The following HECW1 variants were observed in gnomAD, a reference collection of about 807,000 sequenced individuals.
HECW1 encodes the protein HECT, C2 and WW domain containing E3 ubiquitin protein ligase 1, also known as E3 ubiquitin-protein ligase HECW1.
A neutral mutation model predicts 182.3 loss-of-function variants in HECW1; 61 were observed. That is an observed-to-expected ratio of 0.33 (90% CI 0.27 to 0.41). The LOEUF (loss-of-function observed/expected upper bound fraction) is 0.41. Ranked by LOEUF, HECW1 falls within the 10% of genes least tolerant of loss-of-function variation. The probability of loss-of-function intolerance (pLI) is 1.00; values close to 1 mark genes in which losing one functional copy is unlikely to be tolerated. For synonymous variants in HECW1, 859 were observed against 832.6 expected (o/e 1.03, Z -0.55); for missense variants, 1,739 against 2,108.9 (o/e 0.82, Z 3.44).
chr7:43,379,934 G>A (rs1474965432), intron 6 of HECW1, among the ~76,000 whole-genome samples: 1 of 152,212 alleles, frequency 6.6e-6, no homozygotes, highest in East Asian at 1.9e-4. Context: ...CTTCAGAGCT[G>A]TTCCTTATCA....
chr7:43,524,064 CA>C (rs1366570120), intron 24 of HECW1, among the ~76,000 whole-genome samples: 1 of 152,120 alleles, frequency 6.6e-6, no homozygotes, highest in East Asian at 1.9e-4. Flanking sequence ...TCGGCAACTG[CA>C]GAATTTATTT....
chr7:43,477,472 T>A (rs2078262057), intron 16 of HECW1, among the ~76,000 whole-genome samples: 1 of 152,198 alleles, frequency 6.6e-6, no homozygotes. Flanking sequence ...AAAAAGCATG[T>A]TGATGCATTT....
chr7:43,232,482 CA>C (rs2152710105), intron 2 of HECW1, among the ~76,000 whole-genome samples: 1 of 152,336 alleles, frequency 6.6e-6, no homozygotes, highest in East Asian at 1.9e-4. Flanking sequence ...GTGGCTTCCA[CA>C]ACAAAAGCTT....
chr7:43,366,511 T>C (rs766713678), intron 6 of HECW1, among the ~76,000 whole-genome samples: 4 of 152,246 alleles, frequency 2.6e-5, no homozygotes, highest in Non-Finnish European at 5.9e-5. Flanking sequence ...TCAACCAAGT[T>C]AGTAGCATTA....
chr7:43,388,327 C>T (rs2074883505), intron 6 of HECW1, among the ~76,000 whole-genome samples: 1 of 152,186 alleles, frequency 6.6e-6, no homozygotes, highest in African/African-American at 2.4e-5. Context: ...ATTTGTAGGT[C>T]AAATGTTCAG....
intron 16 of HECW1, among the ~76,000 whole-genome samples, chr7:43,471,685 C>T (rs906242693): frequency 3.3e-5 from 5 of 152,176 alleles, no homozygotes; most frequent in Non-Finnish European, 2.9e-5. Context: ...CCTCAAACCT[C>T]ATTCCAAGTC....
rs1270757662 is a variant in HECW1, at chr7:43,466,473, C to T, written c.2818C>T (p.Pro940Ser). The T allele has an allele frequency of 3.1e-6, 5 of 1,613,804 alleles. No individual in the cohort carries two copies. Among genetic ancestry groups the T allele is most frequent in the Non-Finnish European group, 4.2e-6 (5 of 1,179,758 alleles). Residue 940 changes from proline to serine, a missense_variant, in exon 15 of 30, where the codon CCA becomes TCA. Pro to Ser is a moderately conservative substitution (Grantham distance 74, BLOSUM62 -1). This residue lies in a region of HECW1 where 971 missense variants were observed against 1,029.1 expected (regional missense o/e 0.94). Transcript: ENST00000395891. Reference protein sequence around the residue: ...LDLRREGSLSPVNSQKITLLL... With the variant: ...LDLRREGSLSSVNSQKITLLL... ...TCTAAGGAGAGAAGGGTCACTTTCT[C>T]CAGTGAACTCACAAAAAATCACCTT...
intron 3 of HECW1, among the ~76,000 whole-genome samples, chr7:43,257,092 C>T (rs1249602820): frequency 6.6e-6 from 1 of 152,166 alleles, no homozygotes; most frequent in Non-Finnish European, 1.5e-5. Context: ...TTCTGTGAGC[C>T]TTAACTGATT....
Position 43,320,626 on chromosome 7 carries a change from G to A in HECW1, c.353-9G>A, listed in dbSNP as rs1012556622. The A allele has an allele frequency of 6.3e-7, 1 of 1,586,836 alleles. No individual in the cohort carries two copies. The highest frequency in any genetic ancestry group is 8.7e-7 in the Non-Finnish European group (1 of 1,155,144). ...TTCTCTGCTCTGCTTTCTTCCTCTG[G>A]GAATATAGATGAGGTCTTGTCCGAA... On this transcript the variant is annotated splice_polypyrimidine_tract_variant and intron_variant, in intron 4 of 29. Coordinates refer to ENST00000395891, the MANE Select transcript of HECW1 (RefSeq NM_015052.5).
intron 19 of HECW1, among the ~76,000 whole-genome samples, chr7:43,493,572 G>A (rs1042238310): frequency 2.6e-5 from 4 of 152,136 alleles, no homozygotes; most frequent in Admixed American, 6.6e-5. Context: ...AAATAAAAAA[G>A]CAAACAAAAA....
chr7:43,362,741 A>C (rs60586879), intron 6 of HECW1, among the ~76,000 whole-genome samples: 30,152 of 152,224 alleles, frequency 0.2, 3,663 homozygotes, highest in African/African-American at 0.33. Context: ...GGCACTGAGC[A>C]CACAACAGGC....
intron 6 of HECW1, among the ~76,000 whole-genome samples, chr7:43,393,623 G>C (rs2075122505): frequency 6.6e-6 from 1 of 151,716 alleles, no homozygotes; most frequent in South Asian, 2.1e-4. Context: ...CTTAAATGAT[G>C]TGTCTCCTCA....
rs1218077172 is a variant in HECW1, at chr7:43,365,427, A to G, written c.555+4447A>G. The stretch of plus-strand genomic sequence containing the variant: ...CAAGCAATCGGGAAAGGCCACCAGC[A>G]TGCAGGGCAGGCTGAGGACATGACA... On this transcript the variant is annotated intron_variant, in intron 6 of 29. Transcript: ENST00000395891. Among the ~76,000 whole-genome samples, 3 of 139,994 alleles carry G rather than the reference A, an allele frequency of 2.1e-5. No homozygotes were observed. In the East Asian group the frequency reaches 6.5e-4, roughly 30 times the overall value. 91.8% of individuals were successfully genotyped at this position (139,994 alleles called of 152,430 possible).
chr7:43,530,018 C>T (rs994317024), intron 24 of HECW1, among the ~76,000 whole-genome samples: 3 of 151,622 alleles, frequency 2.0e-5, no homozygotes, highest in African/African-American at 4.8e-5. Flanking sequence ...GGTGCAATCT[C>T]GGCTCACTGC....
chr7:43,197,129 G>A (rs1239985246), intron 2 of HECW1, among the ~76,000 whole-genome samples: 1 of 152,064 alleles, frequency 6.6e-6, no homozygotes, highest in African/African-American at 2.4e-5. Flanking sequence ...CTTTCTCTAA[G>A]GTGATGTAAT....
chr7:43,369,723 C>T (rs1210785969), intron 6 of HECW1, among the ~76,000 whole-genome samples: 1 of 89,122 alleles, frequency 1.1e-5, no homozygotes, highest in Non-Finnish European at 2.4e-5. Context: ...ATGAGGACTT[C>T]TTAAACAAAG....
chr7:43,494,604 A>G (rs2079049088), intron 19 of HECW1, among the ~76,000 whole-genome samples: 2 of 152,020 alleles, frequency 1.3e-5, no homozygotes, highest in South Asian at 4.1e-4. Flanking sequence ...CCCAGGTTCA[A>G]GCAATTCCTG....
chr7:43,125,404 G>A (rs1786101503), intron 2 of HECW1, among the ~76,000 whole-genome samples: 1 of 152,096 alleles, frequency 6.6e-6, no homozygotes, highest in South Asian at 2.1e-4. Flanking sequence ...AAAGTAGCGG[G>A]TAGAAGATTT....
Position 43,243,926 on chromosome 7 carries a change from T to G in HECW1, c.21T>G (p.Ser7Arg). The change falls in exon 3 of 30, where the codon AGT becomes AGG. Residue 7 changes from serine to arginine, a missense_variant. Physicochemically the swap from Ser to Arg is moderately radical, Grantham distance 110. Around this residue, in one of 5 missense-constraint regions of HECW1, gnomAD observed 279 missense variants for 353.1 expected, o/e 0.79. Transcript: ENST00000395891. The surrounding 1 kb of genome is among the most constrained non-coding windows in gnomAD (Gnocchi z 4.0). The part of the protein sequence containing the change: MLLHLC[S>R]VKNLYQNRFL... ...TCATTATGCTGCTGCACCTGTGTAG[T>G]GTGAAGGTCAGTGTGCTTTTCTGAT... 1 of 1,610,800 alleles carries G rather than the reference T, an allele frequency of 6.2e-7. No individual in the cohort carries two copies. Among genetic ancestry groups the G allele is most frequent in the Non-Finnish European group, 8.5e-7 (1 of 1,177,046 alleles).
Sources: allele counts gnomAD v4.1 joint callset (sites outside exome capture counted in the v4.1 genomes callset), GRCh38; gene constraint gnomAD v4.1.1; regional missense constraint gnomAD v4.1.1; non-coding constraint Gnocchi (gnomAD v3.1); transcripts MANE v1.5; gene names NCBI Gene and HGNC (gene_info 2026-07-23, HGNC 2026-07-21).